The following TRMT2B variants were observed in gnomAD, a reference collection of about 807,000 sequenced individuals.
The protein encoded by TRMT2B is tRNA methyltransferase 2B.
In TRMT2B, 34 loss-of-function variants were observed where a neutral mutation model predicts 39.7. The observed-to-expected ratio is 0.86, with a 90% CI of 0.65 to 1.14. The LOEUF (loss-of-function observed/expected upper bound fraction) is 1.14, where lower values mean the gene tolerates loss of function less well. Among genes scored for constraint, TRMT2B ranks in the 50% most tolerant of loss-of-function variants. The probability of loss-of-function intolerance (pLI) is 0.00; values close to 1 mark genes in which losing one functional copy is unlikely to be tolerated. For synonymous variants in TRMT2B, 132 were observed against 137.3 expected, an observed-to-expected ratio of 0.96 and a Z score of 0.27; for missense variants, 318 against 377.2, an observed-to-expected ratio of 0.84 and a Z score of 1.30.
the TRMT2B span, among the ~76,000 whole-genome samples, chrX:101,000,612 T>TA: frequency 1.8e-5 from 2 of 109,731 alleles, no homozygotes; most frequent in Non-Finnish European, 3.8e-5. Context: ...AACACCTGGG[T>TA]AAGTCTAGAA....
At chrX:101,041,819 T>C (rs111790349) in intron 3 of TRMT2B, among the ~76,000 whole-genome samples, 3 of 112,026 alleles carry the variant, frequency 2.7e-5, no homozygotes, top group Admixed American at 9.6e-5. Context: ...TAGTATCTTC[T>C]TTCTGATAAA....
downstream of TRMT2B, among the ~76,000 whole-genome samples, chrX:101,008,561 T>C (rs2086144033): frequency 9.0e-6 from 1 of 111,269 alleles, no homozygotes; most frequent in South Asian, 3.8e-4. Context: ...GCGGAGAGGT[T>C]GCAGTGAGCT....
chrX:101,040,928 G>A (rs2088190266), intron 4 of TRMT2B, among the ~76,000 whole-genome samples: 1 of 111,859 alleles, frequency 8.9e-6, no homozygotes, highest in Non-Finnish European at 1.9e-5. Context: ...GTCCAGTCAA[G>A]GCCCGGCGCG....
At chrX:101,044,367 G>A (rs2088467133) in intron 2 of TRMT2B, among the ~76,000 whole-genome samples, 1 of 112,033 alleles carries the variant, frequency 8.9e-6, no homozygotes, top group African/African-American at 3.2e-5. Flanking sequence ...GATAAGTCGA[G>A]AGAGATGGCA....
intron 3 of TRMT2B, 84 bp downstream of exon 3, chrX:101,041,958 A>C: frequency 1.8e-6 from 2 of 1,122,098 alleles, no homozygotes; most frequent in East Asian, 6.0e-5. Flanking sequence ...GTAATGCTAC[A>C]TTAGTTACAC....
chrX:101,003,016 G>A, the TRMT2B span, among the ~76,000 whole-genome samples: 2 of 108,643 alleles, frequency 1.8e-5, no homozygotes, highest in Non-Finnish European at 3.8e-5. Flanking sequence ...TCAGGCTCAA[G>A]CTAATCTCCT....
chrX:100,976,271 G>A, the TRMT2B span, among the ~76,000 whole-genome samples: 1 of 110,013 alleles, frequency 9.1e-6, no homozygotes, highest in Non-Finnish European at 1.9e-5. Flanking sequence ...GCCAGCTTTT[G>A]GAAGCACTCA....
rs1384415562 is a variant in TRMT2B at position 101,023,588 on chromosome X, G to A, written c.638C>T (p.Pro213Leu). The change falls in exon 8 of 14, where the codon CCA becomes CTA. Residue 213 changes from proline (P) to leucine (L), a missense_variant. Physicochemically the swap from Pro to Leu is moderately conservative, Grantham distance 98. Transcript: ENST00000372936. ...ATGAAATACAAGGCAGGGCTCCAAT[G>A]GAGACTGTCGAAGGAATACTTCATA... ...QYYEVFLRQS[P>L]LEPCLVFHEG... is the part of the protein sequence containing the mutation. 2 of 1,207,296 alleles carry A rather than the reference G, an allele frequency of 1.7e-6. No homozygotes were observed. The highest frequency in any genetic ancestry group is 2.2e-6 in the Non-Finnish European group (2 of 893,319).
At position 101,037,110 on chromosome X, in the gene TRMT2B, TCAAATGAAACC is replaced by T. The variant is rs766425849; in HGVS notation, c.439-48_439-38del. On this transcript the variant is annotated intron_variant, in intron 5 of 13. Transcript: ENST00000372936. ...AGAAGGACAGGAGGGGGATGAGAGG[TCAAATGAAACC>T]AAGGAAGATAACAATAAAGGGAAAG... 285 of 1,024,458 alleles carry T rather than the reference TCAAATGAAACC, an allele frequency of 2.8e-4. 1 individual carries two copies. In the East Asian group the frequency reaches 4.7e-3, roughly 17 times the overall value. The allele number at this position is 1,024,458 out of a possible 1,213,427, so 84.4% of individuals were successfully genotyped here.
the TRMT2B span, among the ~76,000 whole-genome samples, chrX:100,997,637 A>G: frequency 8.9e-6 from 1 of 111,856 alleles, no homozygotes; most frequent in Non-Finnish European, 1.9e-5. Context: ...GAACTCCATC[A>G]CTTCTGTACC....
chrX:101,041,338 C>A lies in TRMT2B; in HGVS notation c.282G>T (p.Leu94Phe), dbSNP rs951309689. 6 of 1,210,329 alleles carry A rather than the reference C, an allele frequency of 5.0e-6. No individual in the cohort carries two copies. Among genetic ancestry groups the A allele is most frequent in the Non-Finnish European group, 5.6e-6 (5 of 894,771 alleles). The change falls in exon 4 of 14, where the codon TTG becomes TTT. Residue 94 changes from leucine (L) to phenylalanine (F), a missense_variant. Transcript: ENST00000372936. ...LADVVTPLWR[L>F]SYEEQLKVKF... ...CTACCTTGAGCTGTTCTTCATAGCT[C>A]AACCTCCAGAGTGGTGTCACAACAT...
At chrX:100,979,917 T>C in the TRMT2B span, among the ~76,000 whole-genome samples, 1 of 111,695 alleles carries the variant, frequency 9.0e-6, no homozygotes, top group Non-Finnish European at 1.9e-5. Context: ...GCAAAGTCTC[T>C]TGTTCTTTTC....
the TRMT2B span, among the ~76,000 whole-genome samples, chrX:101,003,415 C>T: frequency 9.4e-6 from 1 of 106,785 alleles, no homozygotes; most frequent in Non-Finnish European, 1.9e-5. Flanking sequence ...ATGGCACAAT[C>T]TCAGCTCACT....
At chrX:100,986,756 T>G in the TRMT2B span, 1 of 1,007,433 alleles carries the variant, frequency 9.9e-7, no homozygotes, top group Non-Finnish European at 1.4e-6. Flanking sequence ...TTGGTTTCAC[T>G]CTTCCACTCT....
the TRMT2B span, among the ~76,000 whole-genome samples, chrX:100,997,000 G>A: frequency 6.3e-5 from 7 of 110,401 alleles, no homozygotes; most frequent in South Asian, 2.6e-3. Context: ...TGGAAAGAAA[G>A]GAACTAGATT....
the TRMT2B span, chrX:100,986,045 A>C: frequency 1.3e-6 from 1 of 799,722 alleles, no homozygotes; most frequent in Non-Finnish European, 1.7e-6. Flanking sequence ...TCAGTGAGGT[A>C]GAGCGGCCCA....
rs1311630483 is a variant in TRMT2B, at chrX:101,009,733, T to C, written c.*848A>G. On this transcript the variant is annotated 3_prime_UTR_variant, in exon 14 of 14. Transcript: ENST00000372936. ...ATTTTCAAGGGGCATTCGAGATGCC[T>C]TAAAACCAAGAAAACCCAAAAGAAT... 9.9e-6 allele frequency: 1 copy of C among 101,450 alleles called. No homozygotes were observed. Among genetic ancestry groups the C allele is most frequent in the African/African-American group, 3.6e-5 (1 of 28,074 alleles). 8.4% of individuals were successfully genotyped at this position (101,450 alleles called of 1,213,427 possible).
intron 13 of TRMT2B, among the ~76,000 whole-genome samples, chrX:101,014,670 C>G (rs1002954879): frequency 9.1e-6 from 1 of 110,193 alleles, no homozygotes; most frequent in Non-Finnish European, 1.9e-5. Context: ...CTCCCAAGTA[C>G]CTGGGACTAT....
chrX:101,034,205 G>A (rs1244475714), intron 7 of TRMT2B, among the ~76,000 whole-genome samples: 1 of 101,806 alleles, frequency 9.8e-6, no homozygotes, highest in African/African-American at 3.7e-5. Context: ...GCAATGGTGC[G>A]ATCTCAGTTC....
Sources: gnomAD v4.1 joint callset for allele counts (sites outside exome capture counted in the v4.1 genomes callset) on GRCh38, gnomAD v4.1.1 for gene constraint, MANE v1.5 for transcripts, NCBI Gene and HGNC (gene_info 2026-07-23, HGNC 2026-07-21) for gene names.